Variants in RBFOX1 observed in about 807,000 individuals in gnomAD.
RBFOX1 encodes the protein RNA binding protein fox-1 homolog 1.
RBFOX1 carries 8 observed loss-of-function variants against 57.7 expected under a neutral mutation model. The observed-to-expected ratio is 0.14, with a 90% CI of 0.08 to 0.25. RBFOX1 has a LOEUF of 0.25. Among genes scored for constraint, RBFOX1 ranks in the 10% least tolerant of loss-of-function variants. The pLI is 1.00. For synonymous variants in RBFOX1, 326 were observed against 222.4 expected (o/e 1.47, Z -4.15); for missense variants, 611 against 548.5 (o/e 1.11, Z -1.14).
At chr16:7,115,851 C>T (rs2065794035) in intron 4 of RBFOX1, among the ~76,000 whole-genome samples, 4 of 152,336 alleles carry the variant, frequency 2.6e-5, no homozygotes, top group South Asian at 4.1e-4. Flanking sequence ...CTTTATACCA[C>T]ATTTATTAAA....
intron 3 of RBFOX1, among the ~76,000 whole-genome samples, chr16:6,840,998 A>G (rs2093431283): frequency 6.6e-6 from 1 of 152,160 alleles, no homozygotes. Flanking sequence ...CAGACACTGA[A>G]TCTGCCAGCA....
At chr16:5,928,590 C>T (rs117437485) in intron 4 of RBFOX1, among the ~76,000 whole-genome samples, 4,047 of 151,874 alleles carry the variant, frequency 0.027, 88 homozygotes, top group Non-Finnish European at 0.034. Flanking sequence ...ACTATATGTT[C>T]CTCCTGCCAC....
intron 11 of RBFOX1, among the ~76,000 whole-genome samples, chr16:7,652,316 G>A (rs958818026): frequency 1.3e-5 from 2 of 152,160 alleles, no homozygotes; most frequent in African/African-American, 4.8e-5. Context: ...CAGGGGGCTG[G>A]GGTAATCATC....
chr16:5,931,692 G>A (rs896798388), intron 4 of RBFOX1, among the ~76,000 whole-genome samples: 2 of 152,120 alleles, frequency 1.3e-5, no homozygotes, highest in Admixed American at 1.3e-4. Context: ...GAATCTTACA[G>A]TTTGGAGCCC....
intron 1 of RBFOX1, among the ~76,000 whole-genome samples, chr16:6,071,913 CCTT>C (rs1463356450): frequency 6.6e-6 from 1 of 152,146 alleles, no homozygotes; most frequent in Non-Finnish European, 1.5e-5. Flanking sequence ...GTCAGGATTT[CCTT>C]CTTCTTTAAG....
At chr16:7,592,851 A>T (rs1008696073) in intron 7 of RBFOX1, among the ~76,000 whole-genome samples, 1 of 152,236 alleles carries the variant, frequency 6.6e-6, no homozygotes, top group Non-Finnish European at 1.5e-5. Context: ...ATAGGGTGTC[A>T]CCCAGGCTGG....
At chr16:6,121,506 G>T (rs1170018418) in intron 1 of RBFOX1, among the ~76,000 whole-genome samples, 1 of 152,164 alleles carries the variant, frequency 6.6e-6, no homozygotes, top group Non-Finnish European at 1.5e-5. Context: ...TAGCCTCCAG[G>T]AATGATCCAG....
chr16:5,242,504 CTT>C (rs1350667632), intron 1 of RBFOX1, among the ~76,000 whole-genome samples: 1 of 152,088 alleles, frequency 6.6e-6, no homozygotes, highest in Non-Finnish European at 1.5e-5. Flanking sequence ...GGAATACTCT[CTT>C]TGAAGAACCC....
chr16:6,714,762 C>G (rs970525573), intron 3 of RBFOX1, among the ~76,000 whole-genome samples: 1 of 152,104 alleles, frequency 6.6e-6, no homozygotes, highest in South Asian at 2.1e-4. Flanking sequence ...TGGGCAGTAC[C>G]GTTTTCTAAA....
intron 2 of RBFOX1, among the ~76,000 whole-genome samples, chr16:5,578,638 G>A (rs1319803052): frequency 6.6e-6 from 1 of 152,148 alleles, no homozygotes; most frequent in African/African-American, 2.4e-5. Context: ...TTAATTTAGC[G>A]CCAACAGCTG....
chr16:6,004,034 T>G (rs1202575434), intron 4 of RBFOX1, among the ~76,000 whole-genome samples: 1 of 152,212 alleles, frequency 6.6e-6, no homozygotes, highest in Admixed American at 6.5e-5. Flanking sequence ...AAGGTCATGT[T>G]GCACGGTGAT....
At chr16:6,640,440 G>C (rs11642844) in intron 2 of RBFOX1, among the ~76,000 whole-genome samples, 96,598 of 151,664 alleles carry the variant, frequency 0.64, 31,396 homozygotes, top group South Asian at 0.81. Flanking sequence ...CAAACCCCAT[G>C]TCTGCTAAAA....
intron 4 of RBFOX1, among the ~76,000 whole-genome samples, chr16:5,900,584 C>T (rs2058283066): frequency 6.6e-6 from 1 of 152,178 alleles, no homozygotes; most frequent in Non-Finnish European, 1.5e-5. Context: ...CCGCCTCATG[C>T]AGCCAGTTCC....
In RBFOX1 at chr16:6,613,003, ATGTGTGTGTGTGTGTG is replaced by A. The variant is rs57236292; in HGVS notation, c.-63-41575_-63-41560del. Among the ~76,000 whole-genome samples the A allele has an allele frequency of 1.5e-3, 211 of 143,248 alleles. 2 individuals are homozygous for A. The highest frequency in any genetic ancestry group is 4.4e-3 in the African/African-American group (169 of 38,428). 94.0% of individuals were successfully genotyped at this position (143,248 alleles called of 152,430 possible). A position where few individuals can be genotyped will look rare whatever the true frequency, so the allele number is the denominator to read the frequency against. On this transcript the variant is annotated intron_variant, in intron 2 of 15. Transcript: ENST00000550418. ...AGAGAAGGCAGGTGCCAGTCCCAGCATGTGTGTGTGTGTGTGTGTGTGTGTGTGTGTGTGTGTGTGA... is the reference window on the plus strand; with the variant it reads ...AGAGAAGGCAGGTGCCAGTCCCAGCATGTGTGTGTGTGTGTGTGTGTGTGA...
intron 3 of RBFOX1, among the ~76,000 whole-genome samples, chr16:6,708,576 T>C (rs1241793734): frequency 1.3e-5 from 2 of 152,190 alleles, no homozygotes; most frequent in Non-Finnish European, 2.9e-5. Context: ...ATGCTCTTAA[T>C]TGCTTTTACT....
intron 3 of RBFOX1, among the ~76,000 whole-genome samples, chr16:6,715,156 G>A (rs1047604425): frequency 6.6e-6 from 1 of 152,056 alleles, no homozygotes; most frequent in Non-Finnish European, 1.5e-5. Flanking sequence ...TCCAAATAAA[G>A]ACTTTAAGAA....
intron 1 of RBFOX1, among the ~76,000 whole-genome samples, chr16:5,336,523 G>A (rs560303376): frequency 2.8e-4 from 43 of 152,270 alleles, no homozygotes; most frequent in Admixed American, 1.9e-3. Context: ...TGGATGAGCC[G>A]TCCTAGGTAT....
chr16:6,670,117 G>T (rs1467531662), intron 3 of RBFOX1, among the ~76,000 whole-genome samples: 3 of 152,122 alleles, frequency 2.0e-5, no homozygotes, highest in Non-Finnish European at 4.4e-5. Flanking sequence ...ACCCTCCTGG[G>T]CACAAGTAGT....
chr16:7,560,483 C>T (rs578106219), intron 5 of RBFOX1, among the ~76,000 whole-genome samples: 131 of 150,524 alleles, frequency 8.7e-4, no homozygotes, highest in African/African-American at 3.1e-3. Context: ...CCGGATTTCA[C>T]ATTGTCATCC....
Sources: gnomAD v4.1 joint callset for allele counts (sites outside exome capture counted in the v4.1 genomes callset) on GRCh38, gnomAD v4.1.1 for gene constraint, MANE v1.5 for transcripts, NCBI Gene and HGNC (gene_info 2026-07-23, HGNC 2026-07-21) for gene names.